The following PPP1R9A variants were observed in gnomAD, a reference collection of about 807,000 sequenced individuals.
The protein encoded by PPP1R9A is neurabin-1.
In PPP1R9A, 59 loss-of-function variants were observed where a neutral mutation model predicts 141.9. The ratio of observed to expected loss-of-function variants is 0.42; its 90% CI spans 0.34 to 0.52. PPP1R9A has a LOEUF of 0.52. PPP1R9A is among the 20% of genes least tolerant of loss of function. The pLI, the probability that PPP1R9A is intolerant of heterozygous loss-of-function variation, is 0.10. For synonymous variants in PPP1R9A, 500 were observed against 569.7 expected, an observed-to-expected ratio of 0.88 and a Z score of 1.74; for missense variants, 1,444 against 1,611.9, an observed-to-expected ratio of 0.90 and a Z score of 1.78.
At chr7:95,053,771 G>C (rs553121012) in intron 2 of PPP1R9A, among the ~76,000 whole-genome samples, 1 of 152,216 alleles carries the variant, frequency 6.6e-6, no homozygotes, top group African/African-American at 2.4e-5. Flanking sequence ...CCCTCATTTA[G>C]GTTTCTACTG....
chr7:95,006,847 T>C (rs12670831), intron 2 of PPP1R9A, among the ~76,000 whole-genome samples: 12,113 of 151,982 alleles, frequency 0.08, 555 homozygotes, highest in East Asian at 0.14. Context: ...TCTTTTTTCA[T>C]TGAATGGCCA....
intron 12 of PPP1R9A, among the ~76,000 whole-genome samples, chr7:95,256,976 C>T (rs1229755653): frequency 6.6e-6 from 1 of 152,086 alleles, no homozygotes; most frequent in African/African-American, 2.4e-5. Context: ...TATAAAAATG[C>T]TTTTTATGCA....
intron 2 of PPP1R9A, among the ~76,000 whole-genome samples, chr7:95,033,894 C>A (rs1387771423): frequency 2.0e-5 from 3 of 152,054 alleles, no homozygotes; most frequent in Non-Finnish European, 4.4e-5. Flanking sequence ...ATGCTATATA[C>A]CAATGCTGCA....
intron 2 of PPP1R9A, among the ~76,000 whole-genome samples, chr7:94,919,300 C>CTTTT (rs1562991267): frequency 8.3e-6 from 1 of 120,174 alleles, no homozygotes. Context: ...TGGATAATTA[C>CTTTT]ATTTTTTTTT....
intron 2 of PPP1R9A, among the ~76,000 whole-genome samples, chr7:95,010,895 A>G (rs902547382): frequency 2.0e-5 from 3 of 152,202 alleles, no homozygotes; most frequent in Admixed American, 6.5e-5. Context: ...TTAGTTGCAG[A>G]TGTTACTGTT....
intron 2 of PPP1R9A, among the ~76,000 whole-genome samples, chr7:95,048,318 A>G (rs911532205): frequency 2.6e-5 from 4 of 152,202 alleles, no homozygotes; most frequent in African/African-American, 9.6e-5. Flanking sequence ...TAAGATAAAC[A>G]GGATCAGATC....
chr7:95,140,253 C>A (rs1826408400), intron 4 of PPP1R9A, among the ~76,000 whole-genome samples: 1 of 152,078 alleles, frequency 6.6e-6, no homozygotes, highest in African/African-American at 2.4e-5. Context: ...GATTATGGAC[C>A]TACTGTATGA....
intron 4 of PPP1R9A, among the ~76,000 whole-genome samples, chr7:95,122,146 AT>A (rs1273220292): frequency 0.041 from 5,462 of 133,816 alleles, 87 homozygotes; most frequent in African/African-American, 0.072. Context: ...CCAGAGCACC[AT>A]TTTTTTTTTT....
intron 12 of PPP1R9A, among the ~76,000 whole-genome samples, chr7:95,259,327 A>G (rs1010125685): frequency 6.6e-6 from 1 of 151,576 alleles, no homozygotes; most frequent in Admixed American, 6.6e-5. Flanking sequence ...CATATATGGT[A>G]TACATTTTTA....
intron 5 of PPP1R9A, among the ~76,000 whole-genome samples, chr7:95,163,257 G>A (rs568259669): frequency 1.3e-5 from 2 of 152,198 alleles, no homozygotes; most frequent in East Asian, 1.9e-4. Context: ...GCGTAATCTT[G>A]TGTTATTATT....
chr7:94,998,117 A>G (rs902722119), intron 2 of PPP1R9A, among the ~76,000 whole-genome samples: 35 of 152,332 alleles, frequency 2.3e-4, no homozygotes, highest in Non-Finnish European at 4.6e-4. Flanking sequence ...GAATAAATAT[A>G]ACCTGAGGTT....
intron 5 of PPP1R9A, among the ~76,000 whole-genome samples, chr7:95,162,627 A>G (rs1830611459): frequency 6.6e-6 from 1 of 152,182 alleles, no homozygotes; most frequent in Non-Finnish European, 1.5e-5. Context: ...AGTATTGCTT[A>G]TATCATATAC....
chr7:95,160,518 T>A (rs1830317681), intron 4 of PPP1R9A, among the ~76,000 whole-genome samples: 1 of 151,806 alleles, frequency 6.6e-6, no homozygotes, highest in South Asian at 2.1e-4. Context: ...TTATTTTTAT[T>A]TTTTTTTTCA....
rs541719841 is a variant in PPP1R9A, at chr7:95,284,119, G to C, written c.3398G>C (p.Ser1133Thr). Residue 1133 changes from serine (S) to threonine (T), a missense_variant, in exon 17 of 20, where the codon AGC becomes ACC. Physicochemically the swap from Ser to Thr is moderately conservative, Grantham distance 58. Transcript: ENST00000433360. ...PCMPFSWFNDSRKGSYSFRNL... is the reference protein window; with the variant it reads ...PCMPFSWFNDTRKGSYSFRNL... ...ATGCCTTTCTCATGGTTTAATGACA[G>C]CCGGAAAGGATCCTATTCCTTCAGG... 2 of 1,591,092 alleles carry C rather than the reference G, an allele frequency of 1.3e-6. No individual in the cohort carries two copies. The highest frequency in any genetic ancestry group is 2.7e-5 in the African/African-American group (2 of 74,822).
At chr7:95,145,465 A>G (rs908687707) in intron 4 of PPP1R9A, among the ~76,000 whole-genome samples, 3 of 152,232 alleles carry the variant, frequency 2.0e-5, no homozygotes, top group Non-Finnish European at 4.4e-5. Context: ...AGAATTGAAG[A>G]CAAACGTTGG....
At chr7:95,139,870 G>A (rs192257755) in intron 4 of PPP1R9A, among the ~76,000 whole-genome samples, 1 of 149,244 alleles carries the variant, frequency 6.7e-6, no homozygotes, top group Non-Finnish European at 1.5e-5. Context: ...CTCATCATGA[G>A]TAAGCTTAAT....
intron 2 of PPP1R9A, among the ~76,000 whole-genome samples, chr7:94,988,994 A>G (rs1044827603): frequency 6.6e-6 from 1 of 152,030 alleles, no homozygotes; most frequent in Admixed American, 6.6e-5. Context: ...AAAATAGTTA[A>G]CTCTAAAACA....
chr7:94,991,083 A>G (rs1280443631), intron 2 of PPP1R9A, among the ~76,000 whole-genome samples: 3 of 152,092 alleles, frequency 2.0e-5, no homozygotes, highest in Non-Finnish European at 4.4e-5. Flanking sequence ...TGGTAGTTCT[A>G]TTTGTAGTTT....
intron 2 of PPP1R9A, among the ~76,000 whole-genome samples, chr7:95,072,040 A>C (rs546552039): frequency 1.3e-5 from 2 of 151,696 alleles, no homozygotes; most frequent in South Asian, 4.1e-4. Flanking sequence ...TAAGTGAACC[A>C]TAATGTCATG....
Sources: allele counts gnomAD v4.1 joint callset (sites outside exome capture counted in the v4.1 genomes callset), GRCh38; gene constraint gnomAD v4.1.1; transcripts MANE v1.5; gene names NCBI Gene and HGNC (gene_info 2026-07-23, HGNC 2026-07-21).